Variants in ACAP2 observed in about 807,000 individuals in gnomAD.
The protein encoded by ACAP2 is arf-GAP with coiled-coil, ANK repeat and PH domain-containing protein 2.
Under a neutral mutation model 115.8 loss-of-function variants are expected in ACAP2, and 39 were observed. That is an observed-to-expected ratio of 0.34 (90% confidence interval 0.26 to 0.44). The LOEUF is 0.44. Ranked by LOEUF, ACAP2 falls within the 20% of genes least tolerant of loss-of-function variation. The pLI is 1.00. For synonymous variants in ACAP2, 289 were observed against 315.8 expected, an observed-to-expected ratio of 0.92 and a Z score of 0.90; for missense variants, 662 against 927.6, an observed-to-expected ratio of 0.71 and a Z score of 3.72.
At chr3:195,283,214 A>G (rs1269195654) in intron 22 of ACAP2, among the ~76,000 whole-genome samples, 1 of 152,174 alleles carries the variant, frequency 6.6e-6, no homozygotes, top group Non-Finnish European at 1.5e-5. Context: ...CTGAGAGAAG[A>G]GTGTGCTGTT....
rs1726215964 is a variant in ACAP2 at position 195,277,235 on chromosome 3, C to A, written c.*2093G>T. ...CTATAAAGGAAAAGTGAGGTTTTTTCTTTTTCTTTAACGTACTTCTTTTCT... is the reference window on the plus strand; with the variant it reads ...CTATAAAGGAAAAGTGAGGTTTTTTATTTTTCTTTAACGTACTTCTTTTCT... On this transcript the variant is annotated 3_prime_UTR_variant, in exon 23 of 23. Coordinates refer to ENST00000326793, the MANE Select transcript of ACAP2 (RefSeq NM_012287.6). 6.6e-6 allele frequency: 1 copy of A among 152,140 alleles called. No individual in the cohort carries two copies. Among genetic ancestry groups the A allele is most frequent in the Non-Finnish European group, 1.5e-5 (1 of 68,000 alleles). The allele number at this position is 152,140 out of a possible 1,614,324, so 9.4% of individuals were successfully genotyped here. A position where few individuals can be genotyped will look rare whatever the true frequency, so the allele number is the denominator to read the frequency against.
intron 13 of ACAP2, among the ~76,000 whole-genome samples, chr3:195,302,723 T>C (rs185669668): frequency 1.9e-3 from 292 of 152,148 alleles, no homozygotes; most frequent in African/African-American, 6.6e-3. Flanking sequence ...ATATAGAACA[T>C]ACAATGTTTA....
intron 4 of ACAP2, chr3:195,356,315 G>A: frequency 2.6e-6 from 1 of 385,128 alleles, no homozygotes; most frequent in East Asian, 7.4e-5. Flanking sequence ...CAATCACACA[G>A]CCTGGAGGTT....
At chr3:195,315,009 G>A (rs942110051) in intron 10 of ACAP2, among the ~76,000 whole-genome samples, 41 of 152,128 alleles carry the variant, frequency 2.7e-4, no homozygotes, top group Admixed American at 1.7e-3. Flanking sequence ...TAGTCACAAG[G>A]TTTGGACTTT....
At chr3:195,441,378 T>C (rs147834761) in intron 1 of ACAP2, among the ~76,000 whole-genome samples, 65 of 152,284 alleles carry the variant, frequency 4.3e-4, no homozygotes, top group African/African-American at 1.5e-3. Context: ...ATGCAGAACA[T>C]AAAAGTTTCA....
chr3:195,347,853 C>A (rs375389163), intron 4 of ACAP2, among the ~76,000 whole-genome samples: 8 of 151,858 alleles, frequency 5.3e-5, no homozygotes, highest in Non-Finnish European at 1.2e-4. Context: ...TATATATATA[C>A]ATTTTCAAAT....
At chr3:195,342,378 A>G in intron 6 of ACAP2, 93 bp downstream of exon 6, 1 of 1,256,768 alleles carries the variant, frequency 8.0e-7, no homozygotes, top group Admixed American at 2.7e-5. Context: ...GTTCAGAGTA[A>G]AAGTATTTAT....
chr3:195,340,722 A>T (rs921697518), intron 6 of ACAP2, among the ~76,000 whole-genome samples: 5 of 152,330 alleles, frequency 3.3e-5, no homozygotes, highest in African/African-American at 1.2e-4. Flanking sequence ...ACGTCTAGTG[A>T]ATAAAACCTC....
At chr3:195,294,032 G>A (rs565837568) in intron 18 of ACAP2, among the ~76,000 whole-genome samples, 318 of 151,990 alleles carry the variant, frequency 2.1e-3, no homozygotes, top group African/African-American at 6.6e-3. Flanking sequence ...CCAGCTACTC[G>A]GGAGGCTGAG....
intron 1 of ACAP2, among the ~76,000 whole-genome samples, chr3:195,436,738 T>C (rs1715570422): frequency 6.6e-6 from 1 of 152,124 alleles, no homozygotes; most frequent in Non-Finnish European, 1.5e-5. Context: ...GTAAAACATA[T>C]AACAAGAGGA....
intron 4 of ACAP2, among the ~76,000 whole-genome samples, chr3:195,377,138 CTTTTTTTTT>C (rs749352761): frequency 2.9e-4 from 22 of 77,080 alleles, no homozygotes; most frequent in Admixed American, 1.0e-3. Flanking sequence ...GAATGTAAAT[CTTTTTTTTT>C]TTTTTTTTTT....
In ACAP2 at chr3:195,442,696, C is replaced by A. The variant is rs949497058; in HGVS notation, c.53+99G>T. On this transcript the variant is annotated intron_variant, in intron 1 of 22. Transcript: ENST00000326793. The stretch of plus-strand genomic sequence containing the variant: ...CAGCCGCTCGCCCCGTCGGAAGGAG[C>A]GGACGGCGGGGCCTCCTCCGGGTGC... The A allele has an allele frequency of 5.0e-5, 65 of 1,291,482 alleles. 1 individual carries two copies. The South Asian group carries it at 9.2e-4, about 18-fold the overall frequency. 80.0% of individuals were successfully genotyped at this position (1,291,482 alleles called of 1,614,324 possible).
intron 1 of ACAP2, among the ~76,000 whole-genome samples, chr3:195,427,562 T>C (rs1714777818): frequency 6.6e-6 from 1 of 152,132 alleles, no homozygotes; most frequent in African/African-American, 2.4e-5. Flanking sequence ...CTGTACAGTA[T>C]ATTACTTTAC....
At chr3:195,417,503 C>G (rs1455941183) in intron 1 of ACAP2, among the ~76,000 whole-genome samples, 4 of 152,122 alleles carry the variant, frequency 2.6e-5, no homozygotes, top group Non-Finnish European at 5.9e-5. Context: ...CTATCTCACT[C>G]TTATCTCCAC....
intron 4 of ACAP2, among the ~76,000 whole-genome samples, chr3:195,377,287 G>A (rs1170427504): frequency 1.3e-5 from 2 of 151,804 alleles, no homozygotes; most frequent in Non-Finnish European, 2.9e-5. Context: ...TGGGATTACA[G>A]GCATGAGCCA....
At position 195,351,882 on chromosome 3, in the gene ACAP2, A is replaced by G. The variant is rs111307100; in HGVS notation, c.286-6565T>C. Among the ~76,000 whole-genome samples the G allele has an allele frequency of 7.4e-4, 112 of 152,322 alleles. 1 individual carries two copies. The highest frequency in any genetic ancestry group is 2.5e-3 in the African/African-American group (105 of 41,582). The stretch of plus-strand genomic sequence containing the variant: ...ATAAGGAAATGCAAATTAAAACCAT[A>G]AACAATTTTAGAAAGTGACTATGCC... On this transcript the variant is annotated intron_variant, in intron 4 of 22. Coordinates refer to ENST00000326793, the MANE Select transcript of ACAP2 (RefSeq NM_012287.6).
At chr3:195,412,726 A>C (rs1281462704) in intron 1 of ACAP2, 1 of 284,310 alleles carries the variant, frequency 3.5e-6, no homozygotes, top group African/African-American at 2.4e-5. Context: ...ATCAGTCTTG[A>C]AGATAACAAA....
chr3:195,381,872 C>A, intron 3 of ACAP2, 31 bp downstream of exon 3: 1 of 1,534,150 alleles, frequency 6.5e-7, no homozygotes, highest in Non-Finnish European at 8.8e-7. Flanking sequence ...TTTTTTTTTT[C>A]ATTTTTAACT....
At chr3:195,378,070 G>GGGAGGAAGGGAGAAAGGGAGGA (rs1733676980) in intron 4 of ACAP2, among the ~76,000 whole-genome samples, 1 of 143,498 alleles carries the variant, frequency 7.0e-6, no homozygotes, top group South Asian at 2.3e-4. Context: ...GAGGGAGGGA[G>GGGAGGAAGGGAGAAAGGGAGGA]GGAGGAAGGG....
Sources: allele counts gnomAD v4.1 joint callset (sites outside exome capture counted in the v4.1 genomes callset), GRCh38; gene constraint gnomAD v4.1.1; transcripts MANE v1.5; gene names NCBI Gene and HGNC (gene_info 2026-07-23, HGNC 2026-07-21).